CHM: variants seen among roughly 807,000 people sequenced by gnomAD.
The protein encoded by CHM is rab proteins geranylgeranyltransferase component A 1.
A neutral mutation model predicts 49.0 loss-of-function variants in CHM; 10 were observed. The observed-to-expected ratio is 0.20, with a 90% CI of 0.13 to 0.35. The LOEUF is 0.35. CHM is among the 10% of genes least tolerant of loss of function. CHM has a pLI of 1.00. For missense variants in CHM, 455 were observed against 478.4 expected (o/e 0.95, Z 0.46); for synonymous variants, 184 against 167.5 (o/e 1.10, Z -0.76).
chrX:85,978,858 A>G lies in CHM; in HGVS notation c.223T>C (p.Trp75Arg). Residue 75 changes from tryptophan to arginine, a missense_variant, in exon 4 of 15, where the codon TGG (tryptophan) becomes CGG (arginine). Coordinates refer to ENST00000357749, the MANE Select transcript of CHM (RefSeq NM_000390.4). ...TCATTTTCAAGGATCTGGTCTTGCC[A>G]CACTGGACTGTCACTTACAATGTCA... ...NSDIVSDSPV[W>R]QDQILENEEA... 1.7e-6 allele frequency: 2 copies of G among 1,207,563 alleles called. No individual in the cohort carries two copies. The highest frequency in any genetic ancestry group is 2.2e-6 in the Non-Finnish European group (2 of 892,158).
intron 14 of CHM, 55 bp from the exon 15 acceptor site, chrX:85,864,876 T>C (rs1923590338): frequency 9.2e-7 from 1 of 1,085,259 alleles, no homozygotes. Flanking sequence ...AAAATGTGTG[T>C]GCATTTCTGG....
Position 86,010,995 on chromosome X carries a change from AC to A in CHM, c.116+16495del, listed in dbSNP as rs750016381. Among the ~76,000 whole-genome samples the A allele has an allele frequency of 2.7e-5, 3 of 111,641 alleles. No individual in the cohort carries two copies. The South Asian group carries it at 1.1e-3, about 42-fold the overall frequency. On this transcript the variant is annotated intron_variant, in intron 2 of 14. Transcript: ENST00000357749. ...AGCAAGGGATCAATGCTTCCTTTAT[AC>A]TAGGCAACTGTACTAGGCAATTGTA...
intron 12 of CHM, among the ~76,000 whole-genome samples, chrX:85,892,469 AG>A (rs1446143876): frequency 2.7e-5 from 3 of 111,131 alleles, no homozygotes; most frequent in African/African-American, 9.8e-5. Context: ...TGGGTTTATC[AG>A]GGGTTTCCGC....
At chrX:86,007,048 G>T (rs1262494165) in intron 2 of CHM, among the ~76,000 whole-genome samples, 1 of 111,625 alleles carries the variant, frequency 9.0e-6, no homozygotes, top group Non-Finnish European at 1.9e-5. Flanking sequence ...CATGGCACTG[G>T]TACCAAAACA....
intron 8 of CHM, among the ~76,000 whole-genome samples, chrX:85,943,588 T>C (rs764848405): frequency 4.5e-5 from 5 of 112,206 alleles, no homozygotes; most frequent in Non-Finnish European, 9.4e-5. Context: ...TCTCCAACTT[T>C]TTCTGGAAGC....
At chrX:86,024,482 C>T (rs766813480) in intron 2 of CHM, among the ~76,000 whole-genome samples, 7 of 112,133 alleles carry the variant, frequency 6.2e-5, no homozygotes, top group Non-Finnish European at 1.3e-4. Flanking sequence ...TGGAAAATCA[C>T]TAACATAGGC....
chrX:85,923,217 T>C (rs1026190390), intron 8 of CHM, among the ~76,000 whole-genome samples: 1 of 112,524 alleles, frequency 8.9e-6, no homozygotes, highest in Non-Finnish European at 1.9e-5. Context: ...GATAATGATA[T>C]CTATTGCATA....
intron 8 of CHM, among the ~76,000 whole-genome samples, chrX:85,913,409 G>T (rs1006002930): frequency 1.0e-5 from 1 of 100,437 alleles, no homozygotes; most frequent in Non-Finnish European, 2.0e-5. Flanking sequence ...AAAGGAGAAA[G>T]GAGACGGGAG....
In CHM at chrX:85,963,982, T is replaced by C. The variant is rs759598256; in HGVS notation, c.385A>G (p.Asn129Asp). The change falls in exon 5 of 15, where the codon AAC (asparagine) becomes GAC (aspartate). Residue 129 changes from asparagine (N) to aspartate (D), a missense_variant. Asn to Asp is a conservative substitution (Grantham distance 23). Transcript: ENST00000357749. ...QKNHALVTSA[N>D]STEAADSAFL... ...GCAGAATCTGCAGCTTCTGTGGAGT[T>C]TGCAGATGTCACAAGAGCATGATTT... 2.5e-6 allele frequency: 3 copies of C among 1,209,611 alleles called. No homozygotes were observed. Among genetic ancestry groups the C allele is most frequent in the South Asian group, 1.8e-5 (1 of 56,663 alleles).
chrX:86,042,212 A>G lies in CHM; in HGVS notation c.49+5272T>C, dbSNP rs984987411. ...GGACTGGAACATCCCAACATCAAGG[A>G]AAGGCTACTTAAGTGACCTTTTCTG... On this transcript the variant is annotated intron_variant, in intron 1 of 14. Coordinates refer to ENST00000357749, the MANE Select transcript of CHM (RefSeq NM_000390.4). Among the ~76,000 whole-genome samples, 3 of 111,572 alleles carry G rather than the reference A, an allele frequency of 2.7e-5. No individual in the cohort carries two copies. The Admixed American group carries it at 2.9e-4, about 11-fold the overall frequency.
intron 2 of CHM, among the ~76,000 whole-genome samples, chrX:85,990,733 C>T (rs907638337): frequency 1.8e-5 from 2 of 111,651 alleles, no homozygotes; most frequent in Non-Finnish European, 3.8e-5. Flanking sequence ...AAAAGCAATA[C>T]TACAGGTAGA....
intron 4 of CHM, chrX:85,970,534 A>C (rs1930841560): frequency 3.0e-6 from 2 of 657,857 alleles, no homozygotes; most frequent in Non-Finnish European, 3.6e-6. Flanking sequence ...GAGTTAGAAA[A>C]ACACAAGTTC....
At chrX:85,916,853 A>G (rs1349007300) in intron 8 of CHM, among the ~76,000 whole-genome samples, 2 of 112,515 alleles carry the variant, frequency 1.8e-5, no homozygotes, top group African/African-American at 6.5e-5. Context: ...GTGGGAGTGC[A>G]AATTAGTTCA....
chrX:86,046,808 TGAA>T lies in CHM; in HGVS notation c.49+673_49+675del, dbSNP rs1208442137. On this transcript the variant is annotated intron_variant, in intron 1 of 14. Coordinates refer to ENST00000357749, the MANE Select transcript of CHM (RefSeq NM_000390.4). ...CAAGAGTTAGATAAGGTCACACACCTGAACTGGAACTCAGGACCTTATTCTCAG... is the reference window on the plus strand; with the variant it reads ...CAAGAGTTAGATAAGGTCACACACCTCTGGAACTCAGGACCTTATTCTCAG... 5.6e-4 allele frequency among the ~76,000 whole-genome samples: 63 copies of T among 111,882 alleles called. 1 individual carries two copies. The highest frequency in any genetic ancestry group is 5.6e-3 in the Admixed American group (59 of 10,582).
chrX:85,980,218 C>T (rs1007965648), intron 3 of CHM, among the ~76,000 whole-genome samples: 2 of 110,457 alleles, frequency 1.8e-5, no homozygotes, highest in African/African-American at 6.6e-5. Flanking sequence ...CTAAATATGC[C>T]TAAATATAAG....
intron 12 of CHM, among the ~76,000 whole-genome samples, chrX:85,885,170 A>T (rs1925009524): frequency 1.8e-5 from 2 of 110,602 alleles, no homozygotes; most frequent in South Asian, 7.5e-4. Flanking sequence ...TAACAAGTGA[A>T]TACTTAATAT....
intron 8 of CHM, among the ~76,000 whole-genome samples, chrX:85,944,414 A>T (rs185390274): frequency 8.9e-6 from 1 of 112,167 alleles, no homozygotes; most frequent in East Asian, 2.8e-4. Flanking sequence ...ATAAATGCAC[A>T]AATTCCATGG....
At chrX:85,955,034 C>A (rs752018026) in intron 8 of CHM, among the ~76,000 whole-genome samples, 1 of 111,270 alleles carries the variant, frequency 9.0e-6, no homozygotes, top group Non-Finnish European at 1.9e-5. Flanking sequence ...CTTGCGGGAG[C>A]TAAAAATTAA....
rs376492316 is a variant in CHM, at chrX:85,900,813, A to G, written c.1350-104T>C. On this transcript the variant is annotated intron_variant, in intron 10 of 14. Transcript: ENST00000357749. ...GCACGTTTCAAAGATTTAAGTCAGG[A>G]TAAAAGTGTCACCTCCCAAAACCAA... is the stretch of plus-strand genomic sequence containing the variant. The G allele has an allele frequency of 1.2e-5, 8 of 645,369 alleles. No homozygotes were observed. The African/African-American group carries it at 1.8e-4, about 14-fold the overall frequency. The allele number at this position is 645,369 out of a possible 1,213,427, so 53.2% of individuals were successfully genotyped here.
Sources: allele counts gnomAD v4.1 joint callset (sites outside exome capture counted in the v4.1 genomes callset), GRCh38; gene constraint gnomAD v4.1.1; transcripts MANE v1.5; gene names NCBI Gene and HGNC (gene_info 2026-07-23, HGNC 2026-07-21).